The following NSMCE2 variants were observed in gnomAD, a reference collection of about 807,000 sequenced individuals.
NSMCE2 encodes E3 SUMO-protein ligase NSE2.
Under a neutral mutation model 23.8 loss-of-function variants are expected in NSMCE2, and 24 were observed. The observed-to-expected ratio is 1.01, with a 90% CI of 0.73 to 1.42. The LOEUF is 1.42. NSMCE2 is among the 40% of genes most tolerant of loss of function. The pLI is 0.00. For missense variants in NSMCE2, 284 were observed against 296.5 expected (o/e 0.96, Z 0.31); for synonymous variants, 92 against 94.1 (o/e 0.98, Z 0.13).
At chr8:125,350,840 C>A (rs567144677) in intron 5 of NSMCE2, among the ~76,000 whole-genome samples, 37 of 152,250 alleles carry the variant, frequency 2.4e-4, no homozygotes, top group Admixed American at 1.4e-3. Context: ...ATTAGGTTGT[C>A]AGGGACAGAG....
chr8:125,155,926 A>G (rs1397562545), intron 4 of NSMCE2: 1 of 446,870 alleles, frequency 2.2e-6, no homozygotes, highest in Non-Finnish European at 4.5e-6. Context: ...TAGCTAAATG[A>G]GAATGACCCA....
At chr8:125,143,358 G>A (rs1208690182) in intron 3 of NSMCE2, among the ~76,000 whole-genome samples, 1 of 152,166 alleles carries the variant, frequency 6.6e-6, no homozygotes, top group Admixed American at 6.5e-5. Flanking sequence ...GTTTCAGAAA[G>A]TAAAATCTCC....
intron 5 of NSMCE2, among the ~76,000 whole-genome samples, chr8:125,300,850 T>C (rs1828533923): frequency 6.6e-6 from 1 of 152,108 alleles, no homozygotes; most frequent in South Asian, 2.1e-4. Context: ...TGTTAAAAGA[T>C]GGATTAATGC....
intron 5 of NSMCE2, among the ~76,000 whole-genome samples, chr8:125,234,147 C>T (rs1825444737): frequency 6.6e-6 from 1 of 152,056 alleles, no homozygotes; most frequent in Non-Finnish European, 1.5e-5. Flanking sequence ...GAGCCGAGAT[C>T]CTGCCACTGC....
intron 5 of NSMCE2, among the ~76,000 whole-genome samples, chr8:125,226,653 G>A (rs1350068162): frequency 6.6e-6 from 1 of 152,170 alleles, no homozygotes; most frequent in Non-Finnish European, 1.5e-5. Context: ...GAGAGGGAGT[G>A]GGAGTGATTC....
chr8:125,194,178 ACAATCAGTTGTCCTGCACAGTTCTAT>A (rs1823491203), intron 5 of NSMCE2, among the ~76,000 whole-genome samples: 1 of 152,290 alleles, frequency 6.6e-6, no homozygotes, highest in Non-Finnish European at 1.5e-5. Flanking sequence ...GAGGTTCTGC[ACAATCAGTTGTCCTGCACAGTTCTAT>A]CAATCAACCC....
chr8:125,131,849 C>T (rs779880552), intron 3 of NSMCE2, among the ~76,000 whole-genome samples: 1 of 152,142 alleles, frequency 6.6e-6, no homozygotes, highest in Non-Finnish European at 1.5e-5. Flanking sequence ...TGGTGAGGTG[C>T]CTTGCACAAG....
chr8:125,223,940 G>C (rs528672293), intron 5 of NSMCE2, among the ~76,000 whole-genome samples: 7 of 151,318 alleles, frequency 4.6e-5, no homozygotes, highest in Middle Eastern at 3.2e-3. Context: ...TGGTTCAAGA[G>C]ATTCTCCCAC....
At chr8:125,095,537 C>T (rs1302333472) in intron 1 of NSMCE2, among the ~76,000 whole-genome samples, 1 of 151,954 alleles carries the variant, frequency 6.6e-6, no homozygotes, top group Non-Finnish European at 1.5e-5. Flanking sequence ...GAGGCTGTAG[C>T]GAGCATGATC....
chr8:125,161,590 G>C (rs1448490770), intron 4 of NSMCE2, among the ~76,000 whole-genome samples: 2 of 152,020 alleles, frequency 1.3e-5, no homozygotes, highest in Non-Finnish European at 2.9e-5. Flanking sequence ...CTGAGGCCAG[G>C]AGTTCGAGAC....
chr8:125,238,632 A>G (rs1586655670), intron 5 of NSMCE2, among the ~76,000 whole-genome samples: 2 of 152,130 alleles, frequency 1.3e-5, no homozygotes, highest in East Asian at 3.8e-4. Flanking sequence ...AGAATAATTG[A>G]TAACTAAATC....
intron 5 of NSMCE2, among the ~76,000 whole-genome samples, chr8:125,204,385 C>G (rs1563717774): frequency 6.6e-6 from 1 of 152,202 alleles, no homozygotes; most frequent in African/African-American, 2.4e-5. Flanking sequence ...CTTCCTTTCT[C>G]TTTCCCGAGA....
chr8:125,097,582 C>T (rs1222902661), intron 1 of NSMCE2, among the ~76,000 whole-genome samples: 1 of 152,108 alleles, frequency 6.6e-6, no homozygotes, highest in Non-Finnish European at 1.5e-5. Context: ...CCTTCATTTC[C>T]GTGAAGCCTA....
Position 125,150,426 on chromosome 8 carries a change from C to CTTTTTTTTTTTTTTTTTTTT in NSMCE2, c.158-739_158-720dup, listed in dbSNP as rs71295819. ...TTTTCTTTTTTTCTTTTCTTTCTTT[C>CTTTTTTTTTTTTTTTTTTTT]TTTTTTTTTTTTTTTTTTTTTTTTT... is the stretch of plus-strand genomic sequence containing the variant. On this transcript the variant is annotated intron_variant, in intron 3 of 7. Coordinates refer to ENST00000287437, the MANE Select transcript of NSMCE2 (RefSeq NM_173685.4). Among the ~76,000 whole-genome samples the CTTTTTTTTTTTTTTTTTTTT allele has an allele frequency of 1.4e-3, 84 of 61,876 alleles. 1 individual carries two copies. The highest frequency in any genetic ancestry group is 2.3e-3 in the African/African-American group (31 of 13,582). 40.6% of individuals were successfully genotyped at this position (61,876 alleles called of 152,430 possible).
chr8:125,315,844 C>A (rs925841310), intron 5 of NSMCE2, among the ~76,000 whole-genome samples: 5 of 152,018 alleles, frequency 3.3e-5, no homozygotes, highest in African/African-American at 1.2e-4. Context: ...ACTCCGTCAC[C>A]CAGGCTGTTG....
chr8:125,181,463 T>A (rs1822804041), intron 4 of NSMCE2, among the ~76,000 whole-genome samples: 1 of 152,168 alleles, frequency 6.6e-6, no homozygotes, highest in African/African-American at 2.4e-5. Flanking sequence ...AGGAAGTAGA[T>A]GAATGAGTGT....
In NSMCE2 at chr8:125,151,192, G is replaced by A; in HGVS notation, c.179G>A (p.Ser60Asn). ...TCAGCTGAAGTGAGTAGTGAATATAGTATGGACAAGGCAATGGTTGAATTT... is the reference window on the plus strand; with the variant it reads ...TCAGCTGAAGTGAGTAGTGAATATAATATGGACAAGGCAATGGTTGAATTT... ...ESQTEVSSEYSMDKAMVEFAT... is the reference protein window; with the variant it reads ...ESQTEVSSEYNMDKAMVEFAT... Residue 60 changes from serine to asparagine, a missense_variant, in exon 4 of 8, where the codon AGT becomes AAT. This residue lies in a region of NSMCE2 where 182 missense variants were observed against 155.5 expected (regional missense o/e 1.17). Transcript: ENST00000287437. 6.2e-7 allele frequency: 1 copy of A among 1,601,976 alleles called. No individual in the cohort carries two copies. The highest frequency in any genetic ancestry group is 1.1e-5 in the South Asian group (1 of 90,604).
intron 5 of NSMCE2, among the ~76,000 whole-genome samples, chr8:125,241,767 T>A (rs1586659809): frequency 1.3e-5 from 2 of 152,196 alleles, no homozygotes; most frequent in East Asian, 3.9e-4. Context: ...GTTGAAAATA[T>A]AAGAATTGGA....
chr8:125,095,941 T>G (rs1193970389), intron 1 of NSMCE2, among the ~76,000 whole-genome samples: 1 of 151,990 alleles, frequency 6.6e-6, no homozygotes, highest in Admixed American at 6.6e-5. Context: ...CATTTGGTCC[T>G]TGCAGGTTTG....
Sources: gnomAD v4.1 joint callset for allele counts (sites outside exome capture counted in the v4.1 genomes callset) on GRCh38, gnomAD v4.1.1 for gene constraint, gnomAD v4.1.1 regional missense constraint, MANE v1.5 for transcripts, NCBI Gene and HGNC (gene_info 2026-07-23, HGNC 2026-07-21) for gene names.